MMEL1: variants seen among roughly 807,000 people sequenced by gnomAD.
MMEL1 encodes the protein membrane metallo-endopeptidase-like 1.
In MMEL1, 98 loss-of-function variants were observed where a neutral mutation model predicts 117.1. The observed-to-expected ratio is 0.84, with a 90% CI of 0.71 to 0.99. The LOEUF (loss-of-function observed/expected upper bound fraction) is 0.99. Ranked by LOEUF, MMEL1 falls within the 50% of genes least tolerant of loss-of-function variation. The pLI is 0.00. For missense variants in MMEL1, 1,014 were observed against 1,049.1 expected, an observed-to-expected ratio of 0.97 and a Z score of 0.46; for synonymous variants, 390 against 415.1, an observed-to-expected ratio of 0.94 and a Z score of 0.74.
intron 2 of MMEL1, among the ~76,000 whole-genome samples, chr1:2,623,477 C>T (rs1053783284): frequency 1.6e-4 from 25 of 152,164 alleles, no homozygotes; most frequent in Non-Finnish European, 3.5e-4. Flanking sequence ...TAAACAATTT[C>T]CGAGTGATAA....
rs546682661 is a variant in MMEL1, at chr1:2,627,335, C to T, written c.154+1996G>A. Reference sequence around the variant, plus strand: ...CTTTAGTGCAAGATTTTAGCATACACACTTCAGTACATGATTTTAAGAAAT... The same window carrying T: ...CTTTAGTGCAAGATTTTAGCATACATACTTCAGTACATGATTTTAAGAAAT... On this transcript the variant is annotated intron_variant, in intron 2 of 23. Coordinates refer to ENST00000378412, the MANE Select transcript of MMEL1 (RefSeq NM_033467.4). 2.0e-5 allele frequency among the ~76,000 whole-genome samples: 3 copies of T among 152,342 alleles called. No homozygotes were observed. In the South Asian group the frequency reaches 6.2e-4, roughly 32 times the overall value.
chr1:2,597,338 C>A (rs1051466714), intron 13 of MMEL1, among the ~76,000 whole-genome samples: 1 of 152,040 alleles, frequency 6.6e-6, no homozygotes, highest in African/African-American at 2.4e-5. Flanking sequence ...CCTACCCCCC[C>A]ATGGCAACAG....
rs1447394448 is a variant in MMEL1 at position 2,594,429 on chromosome 1, GC to G, written c.1702del (p.Ala568ArgfsTer35). On this transcript the variant is annotated frameshift_variant, in exon 18 of 24. Transcript: ENST00000378412. LOFTEE classifies it high-confidence loss of function. ...KVDPNLWIIGAAVVNAFYSPN... is the reference protein window; with the variant it reads ...KVDPNLWIIGXAVVNAFYSPN... Reference sequence around the variant, plus strand: ...GGAGTAGAACGCATTGACCACCGCCGCCCCGATGATCCAGCTGTGATAGACA... The same window carrying G: ...GGAGTAGAACGCATTGACCACCGCCGCCCGATGATCCAGCTGTGATAGACA... 6.4e-6 allele frequency: 10 copies of G among 1,551,476 alleles called. No individual in the cohort carries two copies. The highest frequency in any genetic ancestry group is 8.7e-6 in the Non-Finnish European group (10 of 1,146,954).
intron 2 of MMEL1, among the ~76,000 whole-genome samples, chr1:2,625,310 A>G (rs1252753501): frequency 6.6e-6 from 1 of 152,202 alleles, no homozygotes; most frequent in Non-Finnish European, 1.5e-5. Context: ...TGGAGGCAGC[A>G]CACTCCTCAT....
At position 2,601,078 on chromosome 1, in the gene MMEL1, G is replaced by T. The variant is rs190424365; in HGVS notation, c.1042-2288C>A. On this transcript the variant is annotated intron_variant, in intron 11 of 23. Transcript: ENST00000378412. ...AAATTTCTAGCAGAGTTTTCTTTTT[G>T]TGTGTGTGCGTGTATGCAAATGGAA... Among the ~76,000 whole-genome samples, 24 of 152,282 alleles carry T rather than the reference G, an allele frequency of 1.6e-4. No homozygotes were observed. In the East Asian group the frequency reaches 4.6e-3, roughly 29 times the overall value.
At chr1:2,601,185 C>T (rs2985857) in intron 11 of MMEL1, among the ~76,000 whole-genome samples, 88,909 of 152,028 alleles carry the variant, frequency 0.58, 27,046 homozygotes, top group Non-Finnish European at 0.68. Flanking sequence ...GAAATATATA[C>T]TCTATTGACT....
At chr1:2,610,822 C>T (rs1207971939) in intron 4 of MMEL1, among the ~76,000 whole-genome samples, 1 of 152,192 alleles carries the variant, frequency 6.6e-6, no homozygotes, top group Non-Finnish European at 1.5e-5. Context: ...GTCCACAGGC[C>T]CCCCAGCCCC....
At chr1:2,616,193 T>C (rs1410865429) in intron 2 of MMEL1, among the ~76,000 whole-genome samples, 5 of 151,686 alleles carry the variant, frequency 3.3e-5, no homozygotes. Flanking sequence ...AAAACAAAAA[T>C]TAGCTGGGCA....
intron 2 of MMEL1, among the ~76,000 whole-genome samples, chr1:2,622,202 A>G (rs1242481682): frequency 6.6e-6 from 1 of 152,180 alleles, no homozygotes; most frequent in Non-Finnish European, 1.5e-5. Context: ...ATTTGTAACA[A>G]TTTCCCCAGG....
At chr1:2,619,874 G>A (rs1175669603) in intron 2 of MMEL1, among the ~76,000 whole-genome samples, 1 of 152,104 alleles carries the variant, frequency 6.6e-6, no homozygotes, top group Non-Finnish European at 1.5e-5. Flanking sequence ...GACCCAGAAT[G>A]CAGGAGAAAG....
At position 2,629,433 on chromosome 1, in the gene MMEL1, C is replaced by G. The variant is rs1333641067; in HGVS notation, c.52G>C (p.Gly18Arg). Reference sequence around the variant, plus strand: ...TCCAGGAACCCCGGGCGCTTCTGCCCTGCACGGCCGGCGCTCTCCACCATC... The same window carrying G: ...TCCAGGAACCCCGGGCGCTTCTGCCGTGCACGGCCGGCGCTCTCCACCATC... Reference protein sequence around the residue: ...VGMVESAGRAGQKRPGFLEGG... With the variant: ...VGMVESAGRARQKRPGFLEGG... The change falls in exon 2 of 24, where the codon GGG (glycine) becomes CGG (arginine). Residue 18 changes from glycine to arginine, a missense_variant. By Grantham distance (125) the Gly-to-Arg change is moderately radical. Transcript: ENST00000378412. The G allele has an allele frequency of 6.5e-7, 1 of 1,544,840 alleles. No homozygotes were observed. Among genetic ancestry groups the G allele is most frequent in the African/African-American group, 1.4e-5 (1 of 72,724 alleles).
chr1:2,595,801 C>T lies in MMEL1; in HGVS notation c.1500+208G>A, dbSNP rs533455485. On this transcript the variant is annotated intron_variant, in intron 15 of 23. Coordinates refer to ENST00000378412, the MANE Select transcript of MMEL1 (RefSeq NM_033467.4). This position sits in a 1 kb window ranked among gnomAD's most constrained non-coding sequence, Gnocchi z 4.8. ...TGCTTTTCCTCAGCTCCACAGTGGG[C>T]GAGTGGTCCTGTCTGCGCCTCCCGG... Among the ~76,000 whole-genome samples, 12 of 152,158 alleles carry T rather than the reference C, an allele frequency of 7.9e-5. No homozygotes were observed. The highest frequency in any genetic ancestry group is 1.5e-4 in the Non-Finnish European group (10 of 67,980).
At chr1:2,606,407 G>A in intron 7 of MMEL1, 41 bp from the exon 8 acceptor site, 2 of 1,531,578 alleles carry the variant, frequency 1.3e-6, no homozygotes, top group Non-Finnish European at 1.8e-6. Flanking sequence ...GGCGGGCCCT[G>A]GGGCCCCAGC....
At chr1:2,630,730 C>T (rs4648564) in intron 1 of MMEL1, among the ~76,000 whole-genome samples, 83,409 of 143,530 alleles carry the variant, frequency 0.58, 24,877 homozygotes, top group Non-Finnish European at 0.69. Context: ...TGATTGTGCA[C>T]GTGTGCGTGT....
At chr1:2,619,410 C>G (rs553055875) in intron 2 of MMEL1, among the ~76,000 whole-genome samples, 1 of 152,284 alleles carries the variant, frequency 6.6e-6, no homozygotes, top group East Asian at 1.9e-4. Flanking sequence ...GTAATCCTAG[C>G]ACTTTGGGAG....
At chr1:2,630,422 A>G (rs984050782) in intron 1 of MMEL1, among the ~76,000 whole-genome samples, 5 of 152,104 alleles carry the variant, frequency 3.3e-5, no homozygotes, top group East Asian at 3.9e-4. Context: ...TGGTGTGTGC[A>G]TGTGCATGAC....
At chr1:2,608,817 TAAC>T (rs1030106738) in intron 6 of MMEL1, among the ~76,000 whole-genome samples, 10 of 152,068 alleles carry the variant, frequency 6.6e-5, no homozygotes, top group South Asian at 4.1e-4. Context: ...CACATATACA[TAAC>T]AACACACATA....
intron 21 of MMEL1, among the ~76,000 whole-genome samples, chr1:2,592,311 C>T (rs1453176516): frequency 2.4e-5 from 3 of 123,774 alleles, no homozygotes; most frequent in Non-Finnish European, 5.2e-5. Flanking sequence ...CTGGTGCCCC[C>T]CTCCCCTGCA....
chr1:2,608,956 A>G (rs984030212), intron 6 of MMEL1, among the ~76,000 whole-genome samples: 1 of 152,122 alleles, frequency 6.6e-6, no homozygotes, highest in Non-Finnish European at 1.5e-5. Context: ...ATATACATAC[A>G]TATACACACA....
Sources: gnomAD v4.1 joint callset for allele counts (sites outside exome capture counted in the v4.1 genomes callset) on GRCh38, gnomAD v4.1.1 for gene constraint, Gnocchi (gnomAD v3.1) non-coding constraint, MANE v1.5 for transcripts, NCBI Gene and HGNC (gene_info 2026-07-23, HGNC 2026-07-21) for gene names.